Variants in SDK2 observed in about 807,000 individuals in gnomAD.
SDK2 encodes the protein protein sidekick-2.
A neutral mutation model predicts 253.9 loss-of-function variants in SDK2; 105 were observed. That is an observed-to-expected ratio of 0.41 (90% CI 0.35 to 0.49). The LOEUF is 0.49. Among genes scored for constraint, SDK2 ranks in the 20% least tolerant of loss-of-function variants. The pLI, the probability that SDK2 is intolerant of heterozygous loss-of-function variation, is 0.06. For missense variants in SDK2, 2,608 were observed against 3,003.0 expected (o/e 0.87, Z 3.07); for synonymous variants, 1,249 against 1,234.9 (o/e 1.01, Z -0.24).
chr17:73,502,093 A>G (rs1181010596), intron 2 of SDK2, among the ~76,000 whole-genome samples: 1 of 49,450 alleles, frequency 2.0e-5, no homozygotes, highest in African/African-American at 4.0e-5. Context: ...ATACACACAC[A>G]CACACACACA....
intron 44 of SDK2, among the ~76,000 whole-genome samples, chr17:73,341,121 T>C (rs1392348389): frequency 1.3e-5 from 2 of 150,704 alleles, no homozygotes; most frequent in African/African-American, 4.9e-5. Flanking sequence ...GGGCCTAAAC[T>C]ATGCTCCTGC....
intron 2 of SDK2, among the ~76,000 whole-genome samples, chr17:73,497,852 C>T (rs185453928): frequency 6.6e-6 from 1 of 152,314 alleles, no homozygotes; most frequent in Non-Finnish European, 1.5e-5. Flanking sequence ...CCTAAGAGAG[C>T]TAAACGCCCC....
At chr17:73,367,760 T>C (rs1166797830) in intron 37 of SDK2, among the ~76,000 whole-genome samples, 6 of 152,168 alleles carry the variant, frequency 3.9e-5, no homozygotes, top group Admixed American at 6.5e-5. Flanking sequence ...TGCCTTGGCT[T>C]CCCAAAGTGC....
intron 44 of SDK2, among the ~76,000 whole-genome samples, chr17:73,341,230 CTTTTT>C (rs11347151): frequency 2.5e-5 from 3 of 120,294 alleles, no homozygotes; most frequent in South Asian, 2.7e-4. Context: ...TTATTCCTGA[CTTTTT>C]TTTTTTTTTT....
chr17:73,430,474 C>T (rs767036752), intron 12 of SDK2, 37 bp downstream of exon 12: 159 of 1,494,354 alleles, frequency 1.1e-4, no homozygotes, highest in Non-Finnish European at 1.4e-4. Context: ...GAGGCTCCCC[C>T]TCCCCTCTTG....
At chr17:73,493,483 G>A (rs2063821606) in intron 2 of SDK2, among the ~76,000 whole-genome samples, 1 of 152,228 alleles carries the variant, frequency 6.6e-6, no homozygotes, top group Non-Finnish European at 1.5e-5. Context: ...AGGAAGAAGT[G>A]AGGGTGTGGC....
chr17:73,584,999 G>T (rs2045585772), intron 1 of SDK2, among the ~76,000 whole-genome samples: 1 of 152,244 alleles, frequency 6.6e-6, no homozygotes, highest in Non-Finnish European at 1.5e-5. Context: ...AAGGCTGGGG[G>T]CAGAGTAGGG....
At chr17:73,542,201 C>T (rs913509564) in intron 1 of SDK2, among the ~76,000 whole-genome samples, 2 of 152,232 alleles carry the variant, frequency 1.3e-5, no homozygotes, top group Non-Finnish European at 2.9e-5. Context: ...TCTGACCCTC[C>T]ACGCTTCCCA....
intron 2 of SDK2, among the ~76,000 whole-genome samples, chr17:73,499,875 G>C (rs2063872543): frequency 1.3e-5 from 1 of 76,280 alleles, no homozygotes; most frequent in Admixed American, 1.5e-4. Context: ...GTGTGTGTGT[G>C]TGTGTGTGTG....
chr17:73,411,788 ATTTT>A (rs33985713), intron 18 of SDK2, among the ~76,000 whole-genome samples: 5 of 135,868 alleles, frequency 3.7e-5, no homozygotes, highest in Admixed American at 7.4e-5. Flanking sequence ...TATTACTGCT[ATTTT>A]TTTTTTTTTT....
chr17:73,338,635 C>A lies in SDK2; in HGVS notation c.6471G>T (p.Leu2157=). 1 of 1,535,918 alleles carries A rather than the reference C, an allele frequency of 6.5e-7. No homozygotes were observed. Among genetic ancestry groups the A allele is most frequent in the Non-Finnish European group, 8.7e-7 (1 of 1,146,030 alleles). Residue 2157 remains leucine (L), a synonymous_variant, in exon 45 of 45, where the codon CTG becomes CTT. Transcript: ENST00000392650. This position sits in a 1 kb window ranked among gnomAD's most constrained non-coding sequence, Gnocchi z 5.0. ...CTATGGGAGCCCGGGAGCCTGGGGC[C>A]AGGCTGCTGGGGGGACGGTAGAGGG... The part of the protein sequence containing the change: ...QSTLYRPPSS[L]APGSRAPIAG...
intron 1 of SDK2, among the ~76,000 whole-genome samples, chr17:73,527,850 A>G (rs1157102919): frequency 6.6e-6 from 1 of 152,172 alleles, no homozygotes; most frequent in African/African-American, 2.4e-5. Context: ...TGTCCAGAAG[A>G]AAAATGATGC....
intron 1 of SDK2, among the ~76,000 whole-genome samples, chr17:73,555,643 G>T (rs1280013979): frequency 6.6e-6 from 1 of 152,216 alleles, no homozygotes; most frequent in Non-Finnish European, 1.5e-5. Context: ...ATGTCCCGGA[G>T]CTCAACTGGG....
chr17:73,506,442 G>C (rs1019146483), intron 2 of SDK2, among the ~76,000 whole-genome samples: 1 of 152,154 alleles, frequency 6.6e-6, no homozygotes, highest in Non-Finnish European at 1.5e-5. Flanking sequence ...GCAGTCCAGG[G>C]TTAAGGCAGA....
intron 1 of SDK2, among the ~76,000 whole-genome samples, chr17:73,533,683 AC>A (rs1415559197): frequency 9.9e-5 from 4 of 40,314 alleles, no homozygotes; most frequent in Non-Finnish European, 1.7e-4. Flanking sequence ...CCAGCCCCCC[AC>A]CCCCCCACCC....
At chr17:73,531,801 T>C (rs1372535060) in intron 1 of SDK2, among the ~76,000 whole-genome samples, 1 of 152,166 alleles carries the variant, frequency 6.6e-6, no homozygotes. Context: ...ACTGACTCCA[T>C]GGAAGGGCTT....
chr17:73,624,134 T>C (rs953553339), intron 1 of SDK2, among the ~76,000 whole-genome samples: 2 of 152,224 alleles, frequency 1.3e-5, no homozygotes, highest in African/African-American at 2.4e-5. Context: ...GGATTCAAAA[T>C]AGACCAGTGT....
At chr17:73,550,701 C>G (rs1298153321) in intron 1 of SDK2, among the ~76,000 whole-genome samples, 1 of 152,176 alleles carries the variant, frequency 6.6e-6, no homozygotes, top group Admixed American at 6.5e-5. Context: ...TATACTCGCA[C>G]AGAAGGAATT....
At chr17:73,430,839 T>C (rs1017395386) in intron 11 of SDK2, among the ~76,000 whole-genome samples, 7 of 152,164 alleles carry the variant, frequency 4.6e-5, no homozygotes, top group Admixed American at 1.3e-4. Flanking sequence ...CAGGACCATA[T>C]TTTCAGCATA....
Sources: allele counts gnomAD v4.1 joint callset (sites outside exome capture counted in the v4.1 genomes callset), GRCh38; gene constraint gnomAD v4.1.1; non-coding constraint Gnocchi (gnomAD v3.1); transcripts MANE v1.5; gene names NCBI Gene and HGNC (gene_info 2026-07-23, HGNC 2026-07-21).